The following SORBS2 variants were observed in gnomAD, a reference collection of about 807,000 sequenced individuals.
SORBS2 encodes sorbin and SH3 domain-containing protein 2.
A neutral mutation model predicts 97.7 loss-of-function variants in SORBS2; 46 were observed. The ratio of observed to expected loss-of-function variants is 0.47; its 90% CI spans 0.37 to 0.60. The LOEUF is 0.60. Among genes scored for constraint, SORBS2 ranks in the 20% least tolerant of loss-of-function variants. The pLI is 0.00. For missense variants in SORBS2, 1,316 were observed against 1,282.3 expected (o/e 1.03, Z -0.40); for synonymous variants, 476 against 473.4 (o/e 1.01, Z -0.07).
At chr4:185,940,960 T>C (rs977776303) in intron 1 of SORBS2, among the ~76,000 whole-genome samples, 2 of 152,168 alleles carry the variant, frequency 1.3e-5, no homozygotes, top group Non-Finnish European at 2.9e-5. Context: ...TGGGAGTTGC[T>C]ACTGGCATCT....
At chr4:185,634,580 A>G (rs911590051) in intron 4 of SORBS2, among the ~76,000 whole-genome samples, 1 of 152,004 alleles carries the variant, frequency 6.6e-6, no homozygotes. Flanking sequence ...TTCTTTGCAG[A>G]GAGCAGGTTA....
At position 185,866,423 on chromosome 4, in the gene SORBS2, A is replaced by G. The variant is rs141680355; in HGVS notation, c.-338+89773T>C. On this transcript the variant is annotated intron_variant, in intron 1 of 20. Transcript: ENST00000284776. ...TTACTTAAATAGAACTGTCCCTCCT[A>G]TGGAAAACAAGTATACACTCACATG... Among the ~76,000 whole-genome samples, 340 of 152,328 alleles carry G rather than the reference A, an allele frequency of 2.2e-3. 1 individual carries two copies. Among genetic ancestry groups the G allele is most frequent in the African/African-American group, 7.7e-3 (320 of 41,568 alleles).
chr4:185,807,799 A>G (rs936159999), intron 1 of SORBS2, among the ~76,000 whole-genome samples: 4 of 152,258 alleles, frequency 2.6e-5, no homozygotes, highest in Admixed American at 2.6e-4. Flanking sequence ...TTTAACAGGC[A>G]TATCCATAAT....
intron 1 of SORBS2, among the ~76,000 whole-genome samples, chr4:185,795,918 A>G (rs555822191): frequency 6.6e-6 from 1 of 152,182 alleles, no homozygotes; most frequent in Non-Finnish European, 1.5e-5. Context: ...GCCTGCTTCT[A>G]CTCCCAAATG....
At chr4:185,627,336 A>T (rs1581274191) in intron 5 of SORBS2, among the ~76,000 whole-genome samples, 1 of 152,222 alleles carries the variant, frequency 6.6e-6, no homozygotes, top group South Asian at 2.1e-4. Context: ...CAACCTCCTG[A>T]GTAGCTGGGA....
intron 2 of SORBS2, among the ~76,000 whole-genome samples, chr4:185,699,323 G>C (rs146439872): frequency 0.018 from 2,187 of 122,766 alleles, 22 homozygotes; most frequent in Middle Eastern, 0.034. Flanking sequence ...GTCTCGCTCT[G>C]TTGGCCAGGG....
rs182803601 is a variant in SORBS2 at position 185,669,957 on chromosome 4, A to G, written c.-45-7715T>C. Reference sequence around the variant, plus strand: ...TAATAGGGCAAGCGCAGTGGCTCACACCTGTAATCCCAGCACTTTGGGAGG... The same window carrying G: ...TAATAGGGCAAGCGCAGTGGCTCACGCCTGTAATCCCAGCACTTTGGGAGG... On this transcript the variant is annotated intron_variant, in intron 4 of 20. Coordinates refer to the SORBS2 transcript ENST00000284776. Among the ~76,000 whole-genome samples, 20 of 152,294 alleles carry G rather than the reference A, an allele frequency of 1.3e-4. No homozygotes were observed. The East Asian group carries it at 3.3e-3, about 25-fold the overall frequency.
intron 2 of SORBS2, among the ~76,000 whole-genome samples, chr4:185,729,330 C>T (rs778644067): frequency 1.3e-5 from 2 of 152,172 alleles, no homozygotes; most frequent in Admixed American, 6.5e-5. Context: ...TTTCTGGGCC[C>T]GCTCAGCAAA....
intron 1 of SORBS2, among the ~76,000 whole-genome samples, chr4:185,937,207 C>T (rs186560265): frequency 1.2e-3 from 183 of 151,518 alleles, no homozygotes; most frequent in African/African-American, 4.2e-3. Flanking sequence ...GAGTGCTTCA[C>T]GAGAACTGGA....
chr4:185,954,550 C>T (rs927306021), intron 1 of SORBS2, among the ~76,000 whole-genome samples: 4 of 152,008 alleles, frequency 2.6e-5, no homozygotes, highest in East Asian at 1.9e-4. Context: ...GTCACAGAGG[C>T]GAAGTGTATT....
intron 1 of SORBS2, among the ~76,000 whole-genome samples, chr4:185,924,016 C>A (rs115824670): frequency 1.4e-3 from 213 of 152,314 alleles, no homozygotes; most frequent in African/African-American, 5.1e-3. Context: ...ATATCTGTCT[C>A]ATCTGTTTTG....
intron 1 of SORBS2, among the ~76,000 whole-genome samples, chr4:185,859,451 G>T (rs1402878004): frequency 1.3e-5 from 2 of 152,028 alleles, no homozygotes; most frequent in South Asian, 4.2e-4. Flanking sequence ...AAAGTGCTGG[G>T]CGATTTTACA....
intron 1 of SORBS2, among the ~76,000 whole-genome samples, chr4:185,896,884 C>T (rs981803136): frequency 3.1e-5 from 4 of 128,618 alleles, no homozygotes; most frequent in Non-Finnish European, 5.0e-5. Context: ...ATGCTGCTTA[C>T]ACATGGCCAA....
chr4:185,778,728 G>T (rs2099012756), intron 1 of SORBS2, among the ~76,000 whole-genome samples: 1 of 152,184 alleles, frequency 6.6e-6, no homozygotes, highest in South Asian at 2.1e-4. Flanking sequence ...ACTGGATGTG[G>T]AAAGGCCAGG....
chr4:185,806,434 CTATTTTTT>C lies in SORBS2; in HGVS notation c.-337-31076_-337-31069del, dbSNP rs2099154120. ...AGTGGCACAGCTCTTGGCTAGAATC[CTATTTTTT>C]TTTTTTTTTTTTTTTTTTTTTTTTT... is the stretch of plus-strand genomic sequence containing the variant. On this transcript the variant is annotated intron_variant, in intron 1 of 20. Coordinates refer to the SORBS2 transcript ENST00000284776. 7.4e-4 allele frequency among the ~76,000 whole-genome samples: 80 copies of C among 108,134 alleles called. 5 individuals carry two copies. The highest frequency in any genetic ancestry group is 1.4e-3 in the African/African-American group (39 of 27,292). 70.9% of individuals were successfully genotyped at this position (108,134 alleles called of 152,430 possible).
chr4:185,834,371 A>C (rs761710111), intron 1 of SORBS2, among the ~76,000 whole-genome samples: 5 of 152,184 alleles, frequency 3.3e-5, no homozygotes, highest in Non-Finnish European at 7.4e-5. Flanking sequence ...CCATATGAAC[A>C]CTTAGGACAC....
chr4:185,600,491 A>G (rs2096236731), intron 12 of SORBS2, among the ~76,000 whole-genome samples: 1 of 152,126 alleles, frequency 6.6e-6, no homozygotes, highest in African/African-American at 2.4e-5. Context: ...GGCACCCGCC[A>G]CCAGGCCCAG....
At chr4:185,822,308 G>A (rs1229317495) in intron 1 of SORBS2, among the ~76,000 whole-genome samples, 2 of 152,170 alleles carry the variant, frequency 1.3e-5, no homozygotes, top group Non-Finnish European at 2.9e-5. Flanking sequence ...GCCACATGCC[G>A]TTCCAACAGG....
intron 1 of SORBS2, among the ~76,000 whole-genome samples, chr4:185,787,849 T>C (rs1044739245): frequency 3.9e-5 from 6 of 152,232 alleles, no homozygotes; most frequent in Non-Finnish European, 8.8e-5. Context: ...TCACTTTTCA[T>C]TTAACCTTGA....
Sources: gnomAD v4.1 joint callset for allele counts (sites outside exome capture counted in the v4.1 genomes callset) on GRCh38, gnomAD v4.1.1 for gene constraint, MANE v1.5 for transcripts, NCBI Gene and HGNC (gene_info 2026-07-23, HGNC 2026-07-21) for gene names.